The following DOCK9 variants were observed in gnomAD, a reference collection of about 807,000 sequenced individuals.
The protein encoded by DOCK9 is dedicator of cytokinesis 9.
Under a neutral mutation model 263.3 loss-of-function variants are expected in DOCK9, and 89 were observed. That is an observed-to-expected ratio of 0.34 (90% CI 0.28 to 0.40). The LOEUF is 0.40. DOCK9 is among the 10% of genes least tolerant of loss of function. The pLI, the probability that DOCK9 is intolerant of heterozygous loss-of-function variation, is 1.00. For synonymous variants in DOCK9, 976 were observed against 973.1 expected (o/e 1.00, Z -0.06); for missense variants, 2,140 against 2,603.4 (o/e 0.82, Z 3.87).
At chr13:98,848,961 T>C (rs1454502149) in intron 36 of DOCK9, among the ~76,000 whole-genome samples, 1 of 152,196 alleles carries the variant, frequency 6.6e-6, no homozygotes, top group Non-Finnish European at 1.5e-5. Context: ...CACGGCAGTG[T>C]GCCCGAGAAA....
At chr13:99,087,261 C>A (rs1302557758), upstream of DOCK9, among the ~76,000 whole-genome samples, 3 of 152,202 alleles carry the variant, frequency 2.0e-5, no homozygotes, top group Non-Finnish European at 4.4e-5. Flanking sequence ...GGGACGATGA[C>A]GGTTGGGCCG....
At chr13:98,978,482 C>T (rs1033168039), upstream of DOCK9, among the ~76,000 whole-genome samples, 1 of 152,170 alleles carries the variant, frequency 6.6e-6, no homozygotes, top group African/African-American at 2.4e-5. Context: ...TAGCCTGCAC[C>T]TCGTGGATAC....
At chr13:98,799,244 T>C (rs978133689) in intron 50 of DOCK9, among the ~76,000 whole-genome samples, 2 of 152,062 alleles carry the variant, frequency 1.3e-5, no homozygotes, top group African/African-American at 4.8e-5. Context: ...TTTCAGAAAA[T>C]GAACCAAAAA....
Position 98,846,041 on chromosome 13 carries a change from G to C in DOCK9, c.4081C>G (p.Pro1361Ala), listed in dbSNP as rs766664299. ...TGAGACTTTCGATCATGAACTATGG[G>C]TCCCAACCCCTCCTGGTTCCTGCAA... ...YIARNQEGLG[P>A]IVHDRKSQTL... Residue 1361 changes from proline (P) to alanine (A), a missense_variant, in exon 38 of 53, where the codon CCC (proline) becomes GCC (alanine). Around this residue, in one of 2 missense-constraint regions of DOCK9, gnomAD observed 1,521 missense variants for 1,741.7 expected, o/e 0.87. Coordinates refer to ENST00000682017, the MANE Select transcript of DOCK9 (RefSeq NM_001366683.2). 1 of 1,586,052 alleles carries C rather than the reference G, an allele frequency of 6.3e-7. No homozygotes were observed. The highest frequency in any genetic ancestry group is 1.1e-5 in the South Asian group (1 of 86,980).
Position 99,013,766 on chromosome 13 carries a change from C to T in DOCK9, c.130-58215G>A, listed in dbSNP as rs142783054. ...GAAGAGAAGGAGGAAGTGCTGGAGA[C>T]GGGGCTGGAGGCTGCTGTAAAGATT... On this transcript the variant is annotated intron_variant, in intron 1 of 32. Transcript: ENST00000427887. Among the ~76,000 whole-genome samples, 890 of 152,230 alleles carry T rather than the reference C, an allele frequency of 5.8e-3. 11 individuals carry two copies. The highest frequency in any genetic ancestry group is 0.027 in the South Asian group (129 of 4,818).
intron 38 of DOCK9, among the ~76,000 whole-genome samples, chr13:98,841,010 C>A (rs1468832127): frequency 1.3e-5 from 2 of 151,962 alleles, no homozygotes; most frequent in Non-Finnish European, 2.9e-5. Context: ...TGCAAAATAT[C>A]AAACTGATCA....
Position 98,831,451 on chromosome 13 carries a change from T to G in DOCK9, c.4532A>C (p.Lys1511Thr). ...GGCCTCCGTCCTGATGGAGCTCAGC[T>G]TGGAGTTACAGCACTTGAGAATCTC... Reference protein sequence around the residue: ...CYEILKCCNSKLSSIRTEASQ... With the variant: ...CYEILKCCNSTLSSIRTEASQ... Residue 1511 changes from lysine to threonine, a missense_variant, in exon 41 of 53, where the codon AAG (lysine) becomes ACG (threonine). Around this residue, in one of 2 missense-constraint regions of DOCK9, gnomAD observed 619 missense variants for 861.8 expected, o/e 0.72. Coordinates refer to ENST00000682017, the MANE Select transcript of DOCK9 (RefSeq NM_001366683.2). 6.3e-7 allele frequency: 1 copy of G among 1,598,308 alleles called. No individual in the cohort carries two copies. Among genetic ancestry groups the G allele is most frequent in the South Asian group, 1.1e-5 (1 of 87,918 alleles).
At chr13:99,012,583 A>C (rs959251890) in intron 1 of DOCK9, among the ~76,000 whole-genome samples, 1 of 152,214 alleles carries the variant, frequency 6.6e-6, no homozygotes, top group African/African-American at 2.4e-5. Context: ...ACCCAAGCTG[A>C]GAACCCTGGT....
intron 45 of DOCK9, among the ~76,000 whole-genome samples, chr13:98,816,475 G>A (rs1373078165): frequency 2.6e-5 from 4 of 152,076 alleles, no homozygotes; most frequent in Non-Finnish European, 4.4e-5. Flanking sequence ...TCCCTGGGCG[G>A]TAGTGAGGTC....
intron 1 of DOCK9, among the ~76,000 whole-genome samples, chr13:99,026,167 C>T (rs921933692): frequency 1.3e-5 from 2 of 151,116 alleles, no homozygotes; most frequent in South Asian, 4.2e-4. Context: ...GTCCAGTGTT[C>T]TTTTGGAAAG....
At chr13:98,886,455 T>A in intron 19 of DOCK9, 77 bp downstream of exon 19, 4 of 1,195,976 alleles carry the variant, frequency 3.3e-6, no homozygotes, top group Non-Finnish European at 4.8e-6. Flanking sequence ...CTCTTGAATT[T>A]TCCTTTACCA....
chr13:98,986,374 G>A (rs537346673), intron 1 of DOCK9, among the ~76,000 whole-genome samples: 14 of 152,328 alleles, frequency 9.2e-5, no homozygotes, highest in African/African-American at 3.1e-4. Flanking sequence ...GGGACAGGCC[G>A]CCAGGCCAAC....
chr13:98,904,576 G>T, intron 10 of DOCK9, 56 bp downstream of exon 10: 1 of 1,272,010 alleles, frequency 7.9e-7, no homozygotes, highest in Non-Finnish European at 1.1e-6. Flanking sequence ...TAAGCCCATC[G>T]ATGATTTTCT....
At chr13:98,903,333 C>T (rs1412295023) in intron 10 of DOCK9, among the ~76,000 whole-genome samples, 2 of 152,088 alleles carry the variant, frequency 1.3e-5, no homozygotes, top group Non-Finnish European at 2.9e-5. Context: ...GTGGCTCACG[C>T]CTGTAATTCC....
At chr13:98,987,323 G>A (rs1253640521) in intron 1 of DOCK9, among the ~76,000 whole-genome samples, 5 of 150,116 alleles carry the variant, frequency 3.3e-5, no homozygotes, top group Admixed American at 1.3e-4. Flanking sequence ...GTAACACAAC[G>A]GGTTTCATCT....
chr13:99,068,198 A>G (rs1372352102), intron 1 of DOCK9, among the ~76,000 whole-genome samples: 1 of 152,224 alleles, frequency 6.6e-6, no homozygotes, highest in Non-Finnish European at 1.5e-5. Context: ...CTCAACACCA[A>G]TGTGTTTAGT....
chr13:98,960,226 A>C (rs2058488533), intron 1 of DOCK9, among the ~76,000 whole-genome samples: 1 of 152,144 alleles, frequency 6.6e-6, no homozygotes, highest in Admixed American at 6.5e-5. Context: ...AACCAGAATT[A>C]CCCAAATTCT....
rs945275312 is a variant in DOCK9 at position 98,933,507 on chromosome 13, G to C, written c.244-3250C>G. 2.6e-5 allele frequency among the ~76,000 whole-genome samples: 4 copies of C among 152,176 alleles called. No homozygotes were observed. The East Asian group carries it at 7.7e-4, about 29-fold the overall frequency. On this transcript the variant is annotated intron_variant, in intron 2 of 52. Transcript: ENST00000682017. ...ATGATGTTTCTCATTTTTAAAAGAG[G>C]TTTACACATTAACCATTACTCATCA...
At position 99,004,784 on chromosome 13, in the gene DOCK9, GACACACAC is replaced by G. The variant is rs10533387; in HGVS notation, c.130-49241_130-49234del. On this transcript the variant is annotated intron_variant, in intron 1 of 32. Transcript: ENST00000427887. ...GTACTGCATTGACCAAAAAACTATA[GACACACAC>G]ACACACACACACACACACACACACA... 2.1e-3 allele frequency among the ~76,000 whole-genome samples: 315 copies of G among 148,030 alleles called. 2 individuals carry two copies. The highest frequency in any genetic ancestry group is 6.9e-3 in the Middle Eastern group (2 of 290).
Sources: allele counts gnomAD v4.1 joint callset (sites outside exome capture counted in the v4.1 genomes callset), GRCh38; gene constraint gnomAD v4.1.1; regional missense constraint gnomAD v4.1.1; transcripts MANE v1.5; gene names NCBI Gene and HGNC (gene_info 2026-07-23, HGNC 2026-07-21).